The following TNR variants were observed in gnomAD, a reference collection of about 807,000 sequenced individuals.
TNR encodes tenascin-R.
In TNR, 45 loss-of-function variants were observed where a neutral mutation model predicts 150.4. The ratio of observed to expected loss-of-function variants is 0.30; its 90% CI spans 0.24 to 0.38. The LOEUF is 0.38. Ranked by LOEUF, TNR falls within the 10% of genes least tolerant of loss-of-function variation. TNR has a pLI of 1.00. For missense variants in TNR, 1,544 were observed against 1,759.1 expected, an observed-to-expected ratio of 0.88 and a Z score of 2.19; for synonymous variants, 687 against 678.4, an observed-to-expected ratio of 1.01 and a Z score of -0.20.
chr1:175,721,874 C>T (rs573923598), intron 1 of TNR, among the ~76,000 whole-genome samples: 8 of 147,284 alleles, frequency 5.4e-5, no homozygotes, highest in Non-Finnish European at 1.2e-4. Context: ...CCTGCCTCCC[C>T]GGTCGGATGT....
At chr1:175,402,842 G>A (rs1464421759) in intron 4 of TNR, among the ~76,000 whole-genome samples, 1 of 152,062 alleles carries the variant, frequency 6.6e-6, no homozygotes, top group Non-Finnish European at 1.5e-5. Context: ...CCCACCTCAA[G>A]GGCAATGAAG....
intron 2 of TNR, among the ~76,000 whole-genome samples, chr1:175,522,211 T>TTC (rs1390057742): frequency 2.0e-5 from 3 of 152,210 alleles, no homozygotes; most frequent in Non-Finnish European, 4.4e-5. Flanking sequence ...CTTAGAAGAT[T>TTC]TCTGACTCCT....
At chr1:175,549,123 C>T (rs1660833611) in intron 1 of TNR, among the ~76,000 whole-genome samples, 1 of 152,218 alleles carries the variant, frequency 6.6e-6, no homozygotes, top group East Asian at 1.9e-4. Context: ...TCCAGTCTGG[C>T]CCCCAGGCCC....
intron 2 of TNR, among the ~76,000 whole-genome samples, chr1:175,431,006 A>G (rs4652087): frequency 0.36 from 53,990 of 151,996 alleles, 9,921 homozygotes; most frequent in East Asian, 0.6. Context: ...TACATGGGCT[A>G]GGGGAGATAT....
chr1:175,488,956 T>C (rs1222577316), intron 2 of TNR, among the ~76,000 whole-genome samples: 1 of 152,118 alleles, frequency 6.6e-6, no homozygotes. Context: ...TGTTCAGAAT[T>C]TATGGGTTTT....
At chr1:175,329,950 T>C (rs1649636338) in intron 21 of TNR, 124 bp downstream of exon 21, 3 of 1,125,414 alleles carry the variant, frequency 2.7e-6, no homozygotes, top group Non-Finnish European at 3.6e-6. Context: ...TTCTTCTCCC[T>C]GGCCAGCAGC....
intron 6 of TNR, among the ~76,000 whole-genome samples, 157 bp downstream of exon 6, chr1:175,393,623 A>T (rs551473948): frequency 5.3e-5 from 8 of 152,314 alleles, no homozygotes; most frequent in African/African-American, 1.7e-4. Flanking sequence ...TGTCACAGAA[A>T]TGTTCTATAT....
chr1:175,467,920 T>C (rs370253884), intron 2 of TNR, among the ~76,000 whole-genome samples: 3 of 152,322 alleles, frequency 2.0e-5, no homozygotes, highest in East Asian at 1.9e-4. Flanking sequence ...GCCTACTTCA[T>C]GGAGAGATGC....
At chr1:175,531,456 C>A (rs1433284787) in intron 1 of TNR, among the ~76,000 whole-genome samples, 1 of 152,160 alleles carries the variant, frequency 6.6e-6, no homozygotes, top group Non-Finnish European at 1.5e-5. Flanking sequence ...TATATTCCTG[C>A]AGCAGCAAGT....
intron 1 of TNR, among the ~76,000 whole-genome samples, chr1:175,605,655 C>A (rs1358054496): frequency 1.3e-5 from 2 of 152,228 alleles, no homozygotes; most frequent in African/African-American, 4.8e-5. Context: ...CTTAAAATTT[C>A]TTTTCCCATC....
chr1:175,518,995 T>A (rs1311018257), intron 2 of TNR, among the ~76,000 whole-genome samples: 1 of 152,224 alleles, frequency 6.6e-6, no homozygotes, highest in Non-Finnish European at 1.5e-5. Context: ...TCTCCATTAA[T>A]GTTAGAATTC....
At chr1:175,340,060 A>G (rs1008941762) in intron 18 of TNR, among the ~76,000 whole-genome samples, 2 of 152,224 alleles carry the variant, frequency 1.3e-5, no homozygotes, top group East Asian at 3.8e-4. Flanking sequence ...ATAGTGATTC[A>G]TTTTTTAAAG....
chr1:175,673,119 C>T (rs1019707272), intron 1 of TNR, among the ~76,000 whole-genome samples: 8 of 152,172 alleles, frequency 5.3e-5, no homozygotes, highest in African/African-American at 1.9e-4. Flanking sequence ...TTTGAGCTTA[C>T]TAAGAAACTA....
chr1:175,491,136 G>C (rs1024539527), intron 2 of TNR, among the ~76,000 whole-genome samples: 10 of 152,304 alleles, frequency 6.6e-5, no homozygotes, highest in African/African-American at 2.2e-4. Flanking sequence ...ATCAATCACT[G>C]TATGTTCTCA....
chr1:175,546,239 A>G (rs1023493845), intron 1 of TNR, among the ~76,000 whole-genome samples: 1 of 152,224 alleles, frequency 6.6e-6, no homozygotes, highest in African/African-American at 2.4e-5. Context: ...GCAAGGGCAC[A>G]TGGAAGAAGA....
intron 15 of TNR, among the ~76,000 whole-genome samples, chr1:175,357,199 A>T (rs1216862273): frequency 6.6e-6 from 1 of 152,144 alleles, no homozygotes; most frequent in Non-Finnish European, 1.5e-5. Context: ...GTTTCAGTTG[A>T]TTAAAATATT....
chr1:175,536,196 T>G lies in TNR; in HGVS notation c.-164-7827A>C, dbSNP rs566366012. Among the ~76,000 whole-genome samples the G allele has an allele frequency of 3.9e-5, 6 of 152,376 alleles. No homozygotes were observed. The South Asian group carries it at 1.2e-3, about 32-fold the overall frequency. On this transcript the variant is annotated intron_variant, in intron 1 of 22. Coordinates refer to ENST00000367674, the MANE Select transcript of TNR (RefSeq NM_003285.3). ...TTCCTTTGTAATCTTATATATTTTA[T>G]TTTATACATTTATACCATTATTTTG...
intron 1 of TNR, among the ~76,000 whole-genome samples, chr1:175,681,822 T>G (rs1666043373): frequency 6.6e-6 from 1 of 152,058 alleles, no homozygotes; most frequent in African/African-American, 2.4e-5. Flanking sequence ...AAGGTGGGAA[T>G]GGGCCAGAAG....
chr1:175,445,079 G>A (rs1171272709), intron 2 of TNR, among the ~76,000 whole-genome samples: 2 of 152,184 alleles, frequency 1.3e-5, no homozygotes. Context: ...GACCATCCTA[G>A]CTAACACGGT....
Sources: allele counts gnomAD v4.1 joint callset (sites outside exome capture counted in the v4.1 genomes callset), GRCh38; gene constraint gnomAD v4.1.1; transcripts MANE v1.5; gene names NCBI Gene and HGNC (gene_info 2026-07-23, HGNC 2026-07-21).